Variants in PRKCB observed in about 807,000 individuals in gnomAD.
PRKCB encodes protein kinase C beta, also known as protein kinase C beta type.
Under a neutral mutation model 81.5 loss-of-function variants are expected in PRKCB, and 13 were observed. The ratio of observed to expected loss-of-function variants is 0.16; its 90% CI spans 0.10 to 0.25. The LOEUF (loss-of-function observed/expected upper bound fraction) is 0.25. PRKCB is among the 10% of genes least tolerant of loss of function. PRKCB has a pLI of 1.00. For synonymous variants in PRKCB, 335 were observed against 321.4 expected (o/e 1.04, Z -0.45); for missense variants, 509 against 875.7 (o/e 0.58, Z 5.29).
In PRKCB at chr16:24,216,508, A is replaced by G. The variant is rs1230286447; in HGVS notation, c.*1692A>G. ...TCTTATCACAGTTCAAGTGATTTCCAGAAGTTCCAGGGCTTCTGAGAGACC... is the reference window on the plus strand; with the variant it reads ...TCTTATCACAGTTCAAGTGATTTCCGGAAGTTCCAGGGCTTCTGAGAGACC... On this transcript the variant is annotated 3_prime_UTR_variant, in exon 17 of 17. Transcript: ENST00000643927. 4.1e-6 allele frequency: 4 copies of G among 985,342 alleles called. No homozygotes were observed. Among genetic ancestry groups the G allele is most frequent in the Non-Finnish European group, 4.8e-6 (4 of 829,944 alleles). 61.0% of individuals were successfully genotyped at this position (985,342 alleles called of 1,614,324 possible). A position where few individuals can be genotyped will look rare whatever the true frequency, so the allele number is the denominator to read the frequency against.
chr16:23,956,066 A>G (rs2141784008), intron 2 of PRKCB, among the ~76,000 whole-genome samples: 1 of 152,360 alleles, frequency 6.6e-6, no homozygotes, highest in East Asian at 1.9e-4. Context: ...TGAAATTTTT[A>G]TAAATATAAG....
intron 9 of PRKCB, among the ~76,000 whole-genome samples, chr16:24,130,019 A>T (rs953883067): frequency 6.6e-6 from 1 of 152,236 alleles, no homozygotes; most frequent in African/African-American, 2.4e-5. Flanking sequence ...CTATCCGTCC[A>T]TCAACGCTTT....
intron 2 of PRKCB, among the ~76,000 whole-genome samples, chr16:23,853,996 G>T (rs1032430482): frequency 1.4e-5 from 1 of 73,006 alleles, no homozygotes; most frequent in Non-Finnish European, 3.5e-5. Flanking sequence ...CAGCAGGCAA[G>T]AGAGCGTGCA....
chr16:24,219,703 C>CACACACA lies in PRKCB; in HGVS notation c.*4887_*4888insACACACA. 1 of 1,247,830 alleles carries CACACACA rather than the reference C, an allele frequency of 8.0e-7. No homozygotes were observed. The highest frequency in any genetic ancestry group is 1.0e-6 in the Non-Finnish European group (1 of 986,734). The allele number at this position is 1,247,830 out of a possible 1,614,324, so 77.3% of individuals were successfully genotyped here. A position where few individuals can be genotyped will look rare whatever the true frequency, so the allele number is the denominator to read the frequency against. On this transcript the variant is annotated 3_prime_UTR_variant, in exon 17 of 17. Coordinates refer to ENST00000643927, the MANE Select transcript of PRKCB (RefSeq NM_002738.7). ...ACACACACACACACACACACACACA[C>CACACACA]CACTTTATGGCAATTCTTAACTGAC... is the stretch of plus-strand genomic sequence containing the variant.
intron 2 of PRKCB, among the ~76,000 whole-genome samples, chr16:23,882,021 T>TTCTTTCTTTCTTTCTTTCTTCCTTCCTTC (rs1555481692): frequency 1.1e-4 from 6 of 55,592 alleles, no homozygotes; most frequent in African/African-American, 2.4e-4. Flanking sequence ...TTTCTTTCTT[T>TTCTTTCTTTCTTTCTTTCTTCCTTCCTTC]CTTCCTTCCT....
At chr16:24,184,141 T>C (rs1967667703) in intron 13 of PRKCB, among the ~76,000 whole-genome samples, 2 of 152,240 alleles carry the variant, frequency 1.3e-5, no homozygotes, top group African/African-American at 4.8e-5. Context: ...TATGTTCATA[T>C]ACAAATATTA....
At chr16:23,911,127 G>GTTTT (rs1567310884) in intron 2 of PRKCB, among the ~76,000 whole-genome samples, 16 of 11,778 alleles carry the variant, frequency 1.4e-3, no homozygotes, top group East Asian at 5.5e-3. Flanking sequence ...ACGTATATAT[G>GTTTT]CTTTTTTTTT....
chr16:24,215,679 T>C lies in PRKCB; in HGVS notation c.*863T>C, dbSNP rs1359725784. 1 of 985,106 alleles carries C rather than the reference T, an allele frequency of 1.0e-6. No individual in the cohort carries two copies. The allele number at this position is 985,106 out of a possible 1,614,324, so 61.0% of individuals were successfully genotyped here. ...AAAAGAAAAAAAAAGGTGACTCACA[T>C]TGTTACACATGCTTTAAAATATGTA... On this transcript the variant is annotated 3_prime_UTR_variant, in exon 17 of 17. Transcript: ENST00000643927.
chr16:23,902,146 TGTAGG>T (rs1963484072), intron 2 of PRKCB, among the ~76,000 whole-genome samples: 1 of 152,132 alleles, frequency 6.6e-6, no homozygotes, highest in Non-Finnish European at 1.5e-5. Flanking sequence ...CTGGAGGGTA[TGTAGG>T]GTGGGGTGGG....
At position 24,083,060 on chromosome 16, in the gene PRKCB, G is replaced by A. The variant is rs140313689; in HGVS notation, c.530-9731G>A. On this transcript the variant is annotated intron_variant, in intron 5 of 16. Transcript: ENST00000643927. The stretch of plus-strand genomic sequence containing the variant: ...CACTTTACCAAATAATACAAGGATG[G>A]CCAATACATTCATGGAAAGATATTC... 1.6e-3 allele frequency among the ~76,000 whole-genome samples: 245 copies of A among 152,220 alleles called. 3 individuals carry two copies. The highest frequency in any genetic ancestry group is 8.5e-3 in the South Asian group (41 of 4,818).
intron 5 of PRKCB, among the ~76,000 whole-genome samples, chr16:24,075,961 C>A (rs1163152613): frequency 6.6e-6 from 1 of 152,104 alleles, no homozygotes. Flanking sequence ...TGTTATTATA[C>A]TTTAAGTTCT....
intron 7 of PRKCB, chr16:24,099,153 T>C (rs896311415): frequency 2.6e-5 from 4 of 152,236 alleles, no homozygotes; most frequent in African/African-American, 7.2e-5. Context: ...AGGCTCTGGG[T>C]TGAGCTTTTC....
chr16:24,185,821 C>T (rs888721959), intron 15 of PRKCB, among the ~76,000 whole-genome samples: 1 of 152,180 alleles, frequency 6.6e-6, no homozygotes, highest in Non-Finnish European at 1.5e-5. Flanking sequence ...AGTCTCTGAA[C>T]CAGCACAGGG....
At chr16:24,117,776 A>T (rs1169252429) in intron 8 of PRKCB, among the ~76,000 whole-genome samples, 1 of 152,146 alleles carries the variant, frequency 6.6e-6, no homozygotes, top group East Asian at 1.9e-4. Flanking sequence ...TATCAAGCAG[A>T]CTACTGCTGT....
chr16:24,188,279 C>T (rs561328151), intron 15 of PRKCB, among the ~76,000 whole-genome samples: 4 of 152,192 alleles, frequency 2.6e-5, no homozygotes, highest in East Asian at 1.9e-4. Context: ...ACTCCAAAAA[C>T]GAGTGATGCT....
intron 8 of PRKCB, among the ~76,000 whole-genome samples, chr16:24,118,892 C>A (rs1048743073): frequency 5.9e-5 from 9 of 152,106 alleles, no homozygotes; most frequent in African/African-American, 1.9e-4. Flanking sequence ...GGACAGGGCT[C>A]CTGTCCTCTG....
intron 2 of PRKCB, among the ~76,000 whole-genome samples, chr16:23,934,187 G>A (rs1163739904): frequency 6.6e-6 from 1 of 151,928 alleles, no homozygotes; most frequent in East Asian, 1.9e-4. Context: ...CACGTGTAGA[G>A]AATTGATATT....
At chr16:23,984,296 C>T (rs912554107) in intron 2 of PRKCB, among the ~76,000 whole-genome samples, 16 of 152,226 alleles carry the variant, frequency 1.1e-4, no homozygotes, top group African/African-American at 3.9e-4. Flanking sequence ...TGATATGGGT[C>T]CTATTGTTGC....
intron 9 of PRKCB, among the ~76,000 whole-genome samples, chr16:24,152,092 G>A (rs922885647): frequency 6.6e-6 from 1 of 152,084 alleles, no homozygotes; most frequent in Non-Finnish European, 1.5e-5. Flanking sequence ...GTCAGGGAGA[G>A]TGTATTAGTC....
Sources: allele counts gnomAD v4.1 joint callset (sites outside exome capture counted in the v4.1 genomes callset), GRCh38; gene constraint gnomAD v4.1.1; transcripts MANE v1.5; gene names NCBI Gene and HGNC (gene_info 2026-07-23, HGNC 2026-07-21).